The following UNC5A variants were observed in gnomAD, a reference collection of about 807,000 sequenced individuals.
UNC5A encodes the protein unc-5 netrin receptor A.
Under a neutral mutation model 87.4 loss-of-function variants are expected in UNC5A, and 20 were observed. That is an observed-to-expected ratio of 0.23 (90% CI 0.16 to 0.33). The LOEUF is 0.33. UNC5A is among the 10% of genes least tolerant of loss of function. UNC5A has a pLI of 1.00. For missense variants in UNC5A, 844 were observed against 1,133.4 expected (o/e 0.74, Z 3.67); for synonymous variants, 438 against 482.3 (o/e 0.91, Z 1.20).
rs781535733 is a variant in UNC5A at position 176,878,644 on chromosome 5, A to G, written c.2184+5A>G. 1.9e-6 allele frequency: 3 copies of G among 1,608,662 alleles called. No individual in the cohort carries two copies. The highest frequency in any genetic ancestry group is 2.5e-6 in the Non-Finnish European group (3 of 1,176,936). Reference sequence around the variant, plus strand: ...ATCAACTTCAACATCACCAAGGTGGACGGGAGGGGCTGCCGCACCGCCGTG... The same window carrying G: ...ATCAACTTCAACATCACCAAGGTGGGCGGGAGGGGCTGCCGCACCGCCGTG... On this transcript the variant is annotated splice_donor_5th_base_variant and intron_variant, in intron 13 of 14. Coordinates refer to ENST00000329542, the MANE Select transcript of UNC5A (RefSeq NM_133369.3).
rs763994925 is a variant in UNC5A, at chr5:176,870,506, C to A, written c.858C>A (p.Arg286=). Residue 286 remains arginine (R), a synonymous_variant, in exon 6 of 15, where the codon CGC becomes CGA. Coordinates refer to ENST00000329542, the MANE Select transcript of UNC5A (RefSeq NM_133369.3). ...EECQGTDLDT[R]NCTSDLCVHT... Reference sequence around the variant, plus strand: ...GCCAGGGCACTGACCTGGACACCCGCAACTGTACCAGTGACCTCTGTGTAC... The same window carrying A: ...GCCAGGGCACTGACCTGGACACCCGAAACTGTACCAGTGACCTCTGTGTAC... 2.5e-6 allele frequency: 4 copies of A among 1,605,634 alleles called. No individual in the cohort carries two copies. Among genetic ancestry groups the A allele is most frequent in the Non-Finnish European group, 3.4e-6 (4 of 1,174,576 alleles).
chr5:176,814,185 C>T (rs1756534789), intron 1 of UNC5A, among the ~76,000 whole-genome samples: 1 of 152,206 alleles, frequency 6.6e-6, no homozygotes, highest in South Asian at 2.1e-4. Context: ...CAGACTAAGG[C>T]ATCCCCTGGC....
At chr5:176,851,594 A>C (rs1757544185) in intron 1 of UNC5A, among the ~76,000 whole-genome samples, 1 of 152,172 alleles carries the variant, frequency 6.6e-6, no homozygotes, top group African/African-American at 2.4e-5. Context: ...CCGGGGCCAC[A>C]CCTGGGCTGG....
At chr5:176,830,457 TGC>T (rs1029875546) in intron 1 of UNC5A, among the ~76,000 whole-genome samples, 15 of 126,846 alleles carry the variant, frequency 1.2e-4, no homozygotes, top group African/African-American at 4.3e-4. Context: ...GTGTGTGTTG[TGC>T]GTGTGTGTGT....
intron 1 of UNC5A, among the ~76,000 whole-genome samples, chr5:176,860,095 C>T (rs908256793): frequency 3.9e-5 from 6 of 152,222 alleles, no homozygotes; most frequent in Non-Finnish European, 5.9e-5. Flanking sequence ...TGCCCCCACA[C>T]GCCCAGCCAG....
At chr5:176,861,841 C>A (rs1465199179) in intron 1 of UNC5A, among the ~76,000 whole-genome samples, 1 of 106,856 alleles carries the variant, frequency 9.4e-6, no homozygotes, top group Non-Finnish European at 2.1e-5. Flanking sequence ...AGGACCTGTT[C>A]AAAGGGCAGC....
Position 176,878,235 on chromosome 5 carries a change from G to A in UNC5A, c.1870-9G>A, listed in dbSNP as rs1236960182. On this transcript the variant is annotated splice_polypyrimidine_tract_variant and intron_variant, in intron 11 of 14. Transcript: ENST00000329542. The stretch of plus-strand genomic sequence containing the variant: ...GAGGGGCCTGGGCTGACCACCTGGG[G>A]CACTGCAGGAGGTGGTGCAGCTGGA... 1 of 1,609,854 alleles carries A rather than the reference G, an allele frequency of 6.2e-7. No homozygotes were observed. Among genetic ancestry groups the A allele is most frequent in the Non-Finnish European group, 8.5e-7 (1 of 1,179,020 alleles).
At chr5:176,825,441 A>T (rs575141530) in intron 1 of UNC5A, among the ~76,000 whole-genome samples, 1 of 152,306 alleles carries the variant, frequency 6.6e-6, no homozygotes, top group South Asian at 2.1e-4. Context: ...CGGCCGGAGG[A>T]CGCTGTGCTC....
rs1304121118 is a variant in UNC5A, at chr5:176,858,772, A to AAGGAAGGC, written c.71-3849_71-3848insAAGGCAGG. Among the ~76,000 whole-genome samples, 101 of 140,206 alleles carry AAGGAAGGC rather than the reference A, an allele frequency of 7.2e-4. 1 individual carries two copies. The highest frequency in any genetic ancestry group is 7.2e-3 in the East Asian group (34 of 4,752). The allele number at this position is 140,206 out of a possible 152,430, so 92.0% of individuals were successfully genotyped here. On this transcript the variant is annotated intron_variant, in intron 1 of 14. Transcript: ENST00000329542. Reference sequence around the variant, plus strand: ...GAAGGAAGGAAGGAAGGAAGGAAGGAAGGCAAGCAAGCAGGCAGGGAGGGA... The same window carrying AAGGAAGGC: ...GAAGGAAGGAAGGAAGGAAGGAAGGAAGGAAGGCAGGCAAGCAAGCAGGCAGGGAGGGA...
intron 8 of UNC5A, 81 bp from the exon 9 acceptor site, chr5:176,877,111 A>C: frequency 8.5e-7 from 1 of 1,181,934 alleles, no homozygotes; most frequent in South Asian, 1.3e-5. Context: ...TCCTCACAGG[A>C]AGGCTCCTGG....
Position 176,833,779 on chromosome 5 carries a change from G to A in UNC5A, c.70+22959G>A, listed in dbSNP as rs559325401. Among the ~76,000 whole-genome samples the A allele has an allele frequency of 9.4e-5, 14 of 149,606 alleles. 1 individual carries two copies. The highest frequency in any genetic ancestry group is 6.7e-4 in the Admixed American group (10 of 14,948). On this transcript the variant is annotated intron_variant, in intron 1 of 14. Coordinates refer to ENST00000329542, the MANE Select transcript of UNC5A (RefSeq NM_133369.3). ...GCTGGAGTGCAGTGGTGCGGTCTCC[G>A]CTCACTGCAAGCTCCACCTCCTGGG...
rs1418893349 is a variant in UNC5A, at chr5:176,868,958, G to A, written c.715G>A (p.Val239Ile). Residue 239 changes from valine to isoleucine, a missense_variant, in exon 5 of 15, where the codon GTC (valine) becomes ATC (isoleucine). Val to Ile is a conservative substitution (Grantham distance 29, BLOSUM62 3). Transcript: ENST00000329542. Reference sequence around the variant, plus strand: ...CCGCAGCGCCTCCGCTGCTGTCATCGTCTACGGTGGGCCCCGGGACTCCCT... The same window carrying A: ...CCGCAGCGCCTCCGCTGCTGTCATCATCTACGGTGGGCCCCGGGACTCCCT... ...RRRSASAAVI[V>I]YVDGSWSPWS... The A allele has an allele frequency of 5.0e-6, 8 of 1,601,496 alleles. No individual in the cohort carries two copies. Among genetic ancestry groups the A allele is most frequent in the Middle Eastern group, 1.7e-4 (1 of 6,010 alleles).
chr5:176,826,636 C>CTT (rs34466725), intron 1 of UNC5A, among the ~76,000 whole-genome samples: 118 of 72,736 alleles, frequency 1.6e-3, no homozygotes, highest in African/African-American at 4.6e-3. Flanking sequence ...AGTTTCCAAA[C>CTT]TTTTTTTTTT....
chr5:176,877,648 G>A lies in UNC5A; in HGVS notation c.1580G>A (p.Ser527Asn). The A allele has an allele frequency of 6.2e-7, 1 of 1,612,188 alleles. No homozygotes were observed. The highest frequency in any genetic ancestry group is 1.1e-5 in the South Asian group (1 of 91,076). The change falls in exon 10 of 15, where the codon AGC becomes AAC. Residue 527 changes from serine (S) to asparagine (N), a missense_variant. Coordinates refer to ENST00000329542, the MANE Select transcript of UNC5A (RefSeq NM_133369.3). ...GCTATGGACCACTGTGGGGAGCCCA[G>A]CCCTGACAGCTGGAGCCTGCGCCTC... ...ILAMDHCGEPSPDSWSLRLKK... is the reference protein window; with the variant it reads ...ILAMDHCGEPNPDSWSLRLKK...
intron 1 of UNC5A, among the ~76,000 whole-genome samples, chr5:176,833,645 A>C (rs1478212518): frequency 2.0e-5 from 3 of 151,822 alleles, no homozygotes; most frequent in Non-Finnish European, 4.4e-5. Flanking sequence ...ATAGCCCATG[A>C]GTCTCTGCCC....
intron 6 of UNC5A, among the ~76,000 whole-genome samples, chr5:176,870,767 C>T (rs533821720): frequency 6.6e-6 from 1 of 152,120 alleles, no homozygotes; most frequent in African/African-American, 2.4e-5. Context: ...GATTCATGCA[C>T]ACCCATTGCC....
In UNC5A at chr5:176,878,621, C is replaced by A. The variant is rs1317978098; in HGVS notation, c.2166C>A (p.Ile722=). 6.2e-7 allele frequency: 1 copy of A among 1,612,192 alleles called. No individual in the cohort carries two copies. Among genetic ancestry groups the A allele is most frequent in the Non-Finnish European group, 8.5e-7 (1 of 1,179,660 alleles). ...QVEGDGQSFS[I]NFNITKDTRF... ...AGGGCGACGGGCAGAGCTTCAGCAT[C>A]AACTTCAACATCACCAAGGTGGACG... Residue 722 remains isoleucine, a synonymous_variant, in exon 13 of 15, where the codon ATC becomes ATA. Coordinates refer to ENST00000329542, the MANE Select transcript of UNC5A (RefSeq NM_133369.3).
At chr5:176,828,196 T>A (rs1581247192) in intron 1 of UNC5A, among the ~76,000 whole-genome samples, 1 of 152,026 alleles carries the variant, frequency 6.6e-6, no homozygotes, top group Admixed American at 6.5e-5. Context: ...GCAGGCTGGG[T>A]GCTAATTTGT....
chr5:176,814,226 C>T (rs1361428283), intron 1 of UNC5A, among the ~76,000 whole-genome samples: 2 of 152,178 alleles, frequency 1.3e-5, no homozygotes, highest in East Asian at 3.9e-4. Context: ...AGAAAGCTTT[C>T]GGTGACTCCC....
Sources: allele counts gnomAD v4.1 joint callset (sites outside exome capture counted in the v4.1 genomes callset), GRCh38; gene constraint gnomAD v4.1.1; transcripts MANE v1.5; gene names NCBI Gene and HGNC (gene_info 2026-07-23, HGNC 2026-07-21).